NEK10: variants seen among roughly 807,000 people sequenced by gnomAD.
NEK10 encodes serine/threonine-protein kinase Nek10.
A neutral mutation model predicts 159.8 loss-of-function variants in NEK10; 122 were observed. That is an observed-to-expected ratio of 0.76 (90% CI 0.66 to 0.89). The LOEUF (loss-of-function observed/expected upper bound fraction) is 0.89. Among genes scored for constraint, NEK10 ranks in the 40% least tolerant of loss-of-function variants. NEK10 has a pLI of 0.00. For synonymous variants in NEK10, 466 were observed against 457.1 expected (o/e 1.02, Z -0.25); for missense variants, 1,342 against 1,323.1 (o/e 1.01, Z -0.22).
chr3:27,198,017 T>C (rs1949712103), intron 25 of NEK10, among the ~76,000 whole-genome samples: 1 of 152,074 alleles, frequency 6.6e-6, no homozygotes, highest in African/African-American at 2.4e-5. Context: ...AGATCAGGCA[T>C]GCAATCCCAT....
In NEK10 at chr3:27,107,700, G is replaced by C. The variant is rs976226030; in HGVS notation, c.*3572C>G. Among the ~76,000 whole-genome samples the C allele has an allele frequency of 6.6e-6, 1 of 152,126 alleles. No individual in the cohort carries two copies. Among genetic ancestry groups the C allele is most frequent in the Middle Eastern group, 3.2e-3 (1 of 316 alleles). On this transcript the variant is annotated 3_prime_UTR_variant, in exon 36 of 36. Transcript: ENST00000691995. ...CCCTTCATAGCTGTAACTCCAGGGTGCCAAGAAGCTGTTTCAGATAGATTT... is the reference window on the plus strand; with the variant it reads ...CCCTTCATAGCTGTAACTCCAGGGTCCCAAGAAGCTGTTTCAGATAGATTT...
intron 5 of NEK10, among the ~76,000 whole-genome samples, chr3:27,335,847 A>G (rs950749256): frequency 2.0e-5 from 3 of 152,236 alleles, no homozygotes; most frequent in African/African-American, 7.2e-5. Context: ...CAAAACCTGT[A>G]GGACAAAGCA....
intron 23 of NEK10, among the ~76,000 whole-genome samples, chr3:27,251,940 C>T (rs1407618930): frequency 3.3e-5 from 5 of 152,096 alleles, no homozygotes; most frequent in African/African-American, 1.2e-4. Context: ...AAATGAAAAG[C>T]ATTTTCTTCA....
intron 1 of NEK10, among the ~76,000 whole-genome samples, chr3:27,365,940 G>A (rs1046088301): frequency 6.6e-6 from 1 of 151,988 alleles, no homozygotes; most frequent in Admixed American, 6.5e-5. Flanking sequence ...ATATACATGA[G>A]TTTGTTTAAA....
chr3:27,328,193 T>G (rs1367047806), intron 5 of NEK10, among the ~76,000 whole-genome samples: 1 of 152,196 alleles, frequency 6.6e-6, no homozygotes, highest in Non-Finnish European at 1.5e-5. Context: ...TTCAAATATT[T>G]AGTATATACT....
At chr3:27,340,616 TCA>T (rs1481049589) in intron 5 of NEK10, among the ~76,000 whole-genome samples, 6 of 152,120 alleles carry the variant, frequency 3.9e-5, no homozygotes, top group Admixed American at 1.3e-4. Context: ...AAGTTCAACA[TCA>T]CTAATCATCA....
intron 23 of NEK10, 99 bp downstream of exon 23, chr3:27,256,197 C>A (rs1956151932): frequency 1.9e-6 from 1 of 533,976 alleles, no homozygotes; most frequent in African/African-American, 2.0e-5. Flanking sequence ...AATAAGCTTT[C>A]TTTCCTGAAA....
intron 23 of NEK10, among the ~76,000 whole-genome samples, chr3:27,221,689 C>A (rs1290232565): frequency 6.6e-6 from 1 of 152,226 alleles, no homozygotes; most frequent in Admixed American, 6.5e-5. Flanking sequence ...ACTGCCATCT[C>A]CACATCAGAC....
At chr3:27,250,372 G>C (rs771337195) in intron 23 of NEK10, among the ~76,000 whole-genome samples, 42 of 151,968 alleles carry the variant, frequency 2.8e-4, no homozygotes, top group Non-Finnish European at 4.9e-4. Context: ...ATTTTTAGTA[G>C]AGACGGGGTT....
chr3:27,253,256 C>G (rs1275338896), intron 23 of NEK10, among the ~76,000 whole-genome samples: 2 of 152,072 alleles, frequency 1.3e-5, no homozygotes, highest in Non-Finnish European at 2.9e-5. Context: ...TTTTATACAT[C>G]ATACTAGCTT....
Position 27,290,475 on chromosome 3 carries a change from G to A in NEK10, c.1743+142C>T, listed in dbSNP as rs2042919295. ...AATGTCAAGCCTTAGGAAAAAAGCTGGCAAAAATATCACTGCTTCAGTGTC... is the reference window on the plus strand; with the variant it reads ...AATGTCAAGCCTTAGGAAAAAAGCTAGCAAAAATATCACTGCTTCAGTGTC... On this transcript the variant is annotated intron_variant, in intron 19 of 35. Coordinates refer to ENST00000691995, the MANE Select transcript of NEK10 (RefSeq NM_001394966.1). 5 of 589,852 alleles carry A rather than the reference G, an allele frequency of 8.5e-6. No homozygotes were observed. In the South Asian group the frequency reaches 1.2e-4, roughly 15 times the overall value. 36.5% of individuals were successfully genotyped at this position (589,852 alleles called of 1,614,324 possible).
intron 1 of NEK10, among the ~76,000 whole-genome samples, chr3:27,361,967 A>C (rs2048716575): frequency 6.6e-6 from 1 of 152,204 alleles, no homozygotes; most frequent in South Asian, 2.1e-4. Context: ...AAGCATATGA[A>C]ATTGCTGATA....
intron 20 of NEK10, among the ~76,000 whole-genome samples, chr3:27,285,815 T>A (rs2042551170): frequency 6.6e-6 from 1 of 152,210 alleles, no homozygotes; most frequent in Non-Finnish European, 1.5e-5. Flanking sequence ...AGCAGCCTTA[T>A]ATTTCAGTAC....
At chr3:27,138,969 C>A (rs1219343073) in intron 31 of NEK10, among the ~76,000 whole-genome samples, 2 of 152,134 alleles carry the variant, frequency 1.3e-5, no homozygotes, top group Non-Finnish European at 2.9e-5. Flanking sequence ...AAGAAAATGA[C>A]AAGCTTGGGT....
intron 23 of NEK10, among the ~76,000 whole-genome samples, chr3:27,222,660 T>C (rs1274855169): frequency 1.3e-5 from 2 of 152,186 alleles, no homozygotes; most frequent in African/African-American, 4.8e-5. Context: ...CACAAAGAGG[T>C]ATTACTACCC....
intron 32 of NEK10, among the ~76,000 whole-genome samples, chr3:27,130,413 G>A (rs1383449901): frequency 6.6e-6 from 1 of 152,160 alleles, no homozygotes; most frequent in Non-Finnish European, 1.5e-5. Context: ...CAAGGAGTGG[G>A]TGGGAGAATT....
At position 27,334,138 on chromosome 3, in the gene NEK10, G is replaced by A. The variant is rs1206942328; in HGVS notation, c.362+10134C>T. On this transcript the variant is annotated intron_variant, in intron 5 of 35. Transcript: ENST00000691995. ...TGCCCAGCCTAGTCTACCACCACTG[G>A]CACCTAAACCCTCCTCCCAAGGGCC... 2.0e-5 allele frequency among the ~76,000 whole-genome samples: 3 copies of A among 152,054 alleles called. No individual in the cohort carries two copies. The South Asian group carries it at 6.2e-4, about 32-fold the overall frequency.
chr3:27,261,848 G>T (rs2040439142), intron 22 of NEK10, among the ~76,000 whole-genome samples: 2 of 152,166 alleles, frequency 1.3e-5, no homozygotes, highest in African/African-American at 4.8e-5. Context: ...CTATTATTGT[G>T]TGGGAGTCTA....
At chr3:27,346,246 G>A (rs760794563) in intron 3 of NEK10, 30 bp from the exon 4 acceptor site, 3 of 1,612,244 alleles carry the variant, frequency 1.9e-6, no homozygotes, top group Non-Finnish European at 2.5e-6. Context: ...GAGTACATGA[G>A]GATCACAATT....
Sources: gnomAD v4.1 joint callset for allele counts (sites outside exome capture counted in the v4.1 genomes callset) on GRCh38, gnomAD v4.1.1 for gene constraint, MANE v1.5 for transcripts, NCBI Gene and HGNC (gene_info 2026-07-23, HGNC 2026-07-21) for gene names.